The following P2RY8 variants were observed in gnomAD, a reference collection of about 807,000 sequenced individuals.
P2RY8 encodes S-geranylgeranyl-glutathione receptor P2RY8.
In P2RY8, 6 loss-of-function variants were observed where a neutral mutation model predicts 10.0. That is an observed-to-expected ratio of 0.60 (90% confidence interval 0.33 to 1.19). The LOEUF (loss-of-function observed/expected upper bound fraction) is 1.19. P2RY8 is among the 50% of genes most tolerant of loss of function. The pLI, the probability that P2RY8 is intolerant of heterozygous loss-of-function variation, is 0.04. For missense variants in P2RY8, 456 were observed against 542.0 expected (o/e 0.84, Z 1.58); for synonymous variants, 276 against 252.5 (o/e 1.09, Z -0.88).
chrX:1,465,917 C>T lies in P2RY8; in HGVS notation c.642G>A (p.Thr214=). The T allele has an allele frequency of 6.2e-7, 1 of 1,612,390 alleles. No individual in the cohort carries two copies. Among genetic ancestry groups the T allele is most frequent in the South Asian group, 1.1e-5 (1 of 91,040 alleles). Residue 214 remains threonine (T), a synonymous_variant, in exon 2 of 2, where the codon ACG becomes ACA. Coordinates refer to ENST00000381297, the MANE Select transcript of P2RY8 (RefSeq NM_178129.5). ...IPFVITVACY[T]ATILKLLRTE... The stretch of plus-strand genomic sequence containing the variant: ...TGCGCAACAGCTTGAGGATGGTGGC[C>T]GTGTAACAAGCCACGGTGATCACGA...
chrX:1,472,692 GT>G (rs2091805258), intron 1 of P2RY8, among the ~76,000 whole-genome samples: 1 of 82,598 alleles, frequency 1.2e-5, no homozygotes, highest in Non-Finnish European at 2.4e-5. Flanking sequence ...GGGTGGATGG[GT>G]GGGAGGGTGG....
chrX:1,493,093 C>G (rs1479791772), intron 1 of P2RY8, among the ~76,000 whole-genome samples: 21 of 151,136 alleles, frequency 1.4e-4, no homozygotes, highest in African/African-American at 5.1e-4. Flanking sequence ...CGAGATCAGC[C>G]TGGTCAACAT....
intron 1 of P2RY8, among the ~76,000 whole-genome samples, chrX:1,482,416 C>T (rs2091945271): frequency 6.6e-6 from 1 of 151,986 alleles, no homozygotes; most frequent in African/African-American, 2.4e-5. Context: ...GCCACAGTGC[C>T]CATGGTTTTA....
chrX:1,528,741 T>A (rs766817134), intron 1 of P2RY8, among the ~76,000 whole-genome samples: 1 of 152,098 alleles, frequency 6.6e-6, no homozygotes, highest in East Asian at 1.9e-4. Context: ...TTCGTGTAGG[T>A]TTGAGTCTCT....
intron 1 of P2RY8, among the ~76,000 whole-genome samples, chrX:1,477,957 C>T (rs2091893996): frequency 6.6e-6 from 1 of 152,128 alleles, no homozygotes; most frequent in South Asian, 2.1e-4. Flanking sequence ...AGAGCGATTC[C>T]TTAAAATGCC....
intron 1 of P2RY8, among the ~76,000 whole-genome samples, chrX:1,485,732 TTATA>T (rs1293012958): frequency 2.0e-5 from 3 of 148,376 alleles, no homozygotes; most frequent in East Asian, 3.9e-4. Context: ...TATTTAATAA[TTATA>T]TACGATATAT....
intron 1 of P2RY8, among the ~76,000 whole-genome samples, chrX:1,497,083 G>T (rs1376485154): frequency 6.6e-6 from 1 of 150,596 alleles, no homozygotes; most frequent in Non-Finnish European, 1.5e-5. Context: ...GCCAGGCGTG[G>T]TGGTGGCGGG....
chrX:1,499,604 AC>A (rs2092154793), intron 1 of P2RY8, among the ~76,000 whole-genome samples: 1 of 152,132 alleles, frequency 6.6e-6, no homozygotes, highest in Non-Finnish European at 1.5e-5. Flanking sequence ...GTATATTAAA[AC>A]TATAACTTAT....
In P2RY8 at chrX:1,513,178, G is replaced by A. The variant is rs772441532; in HGVS notation, c.-25+23743C>T. On this transcript the variant is annotated intron_variant, in intron 1 of 1. Coordinates refer to ENST00000381297, the MANE Select transcript of P2RY8 (RefSeq NM_178129.5). ...AGAGTGACTTTCTGGCTTTATCCAC[G>A]TCCCTGCAAAGGATATGAACTCATC... 6.6e-5 allele frequency among the ~76,000 whole-genome samples: 10 copies of A among 151,550 alleles called. No individual in the cohort carries two copies. The South Asian group carries it at 1.0e-3, about 16-fold the overall frequency.
At chrX:1,530,271 AT>A (rs1398265973) in intron 1 of P2RY8, among the ~76,000 whole-genome samples, 1 of 113,994 alleles carries the variant, frequency 8.8e-6, no homozygotes, top group Admixed American at 8.3e-5. Context: ...CATCACCATT[AT>A]CTATCTATCT....
intron 1 of P2RY8, among the ~76,000 whole-genome samples, chrX:1,486,477 T>A (rs1320398080): frequency 6.6e-6 from 1 of 152,152 alleles, no homozygotes; most frequent in Non-Finnish European, 1.5e-5. Context: ...GAAGGCCACA[T>A]GGTGTAGGAC....
chrX:1,517,113 A>G (rs75695529), intron 1 of P2RY8, among the ~76,000 whole-genome samples: 129,531 of 150,554 alleles, frequency 0.86, 56,019 homozygotes, highest in East Asian at 1. Context: ...CCCACACCTT[A>G]ATCTTGGATT....
intron 1 of P2RY8, among the ~76,000 whole-genome samples, chrX:1,467,570 T>A (rs557762639): frequency 3.3e-5 from 5 of 152,254 alleles, no homozygotes; most frequent in African/African-American, 1.2e-4. Context: ...AGAGACGCTT[T>A]ATCCATGAGC....
At chrX:1,514,958 C>T (rs1213740364) in intron 1 of P2RY8, among the ~76,000 whole-genome samples, 9 of 141,174 alleles carry the variant, frequency 6.4e-5, no homozygotes, top group East Asian at 4.4e-4. Context: ...GGCTGAAGTG[C>T]GGTGACACTA....
intron 1 of P2RY8, among the ~76,000 whole-genome samples, chrX:1,530,521 T>C (rs1324010603): frequency 6.6e-6 from 1 of 151,092 alleles, no homozygotes; most frequent in African/African-American, 2.4e-5. Context: ...ATCTAATTTA[T>C]GTACGTACAT....
rs1159331938 is a variant in P2RY8 at position 1,462,860 on chromosome X, T to C, written c.*2619A>G. The C allele has an allele frequency of 8.6e-6, 2 of 232,854 alleles. No homozygotes were observed. Among genetic ancestry groups the C allele is most frequent in the African/African-American group, 2.2e-5 (1 of 45,314 alleles). 14.4% of individuals were successfully genotyped at this position (232,854 alleles called of 1,614,324 possible). A position where few individuals can be genotyped will look rare whatever the true frequency, so the allele number is the denominator to read the frequency against. ...GAGTCAATAGACCTGTGTTATCTTT[T>C]CACTCAAAGCTCAACCAGTGAACAG... On this transcript the variant is annotated 3_prime_UTR_variant, in exon 2 of 2. Transcript: ENST00000381297.
rs2092369659 is a variant in P2RY8, at chrX:1,518,722, C to A, written c.-25+18199G>T. On this transcript the variant is annotated intron_variant, in intron 1 of 1. Transcript: ENST00000381297. Reference sequence around the variant, plus strand: ...AAATCTGTTTGGTTCTCCCTGGCCGCCAATATTCTCTCTAATCCTCAATAT... The same window carrying A: ...AAATCTGTTTGGTTCTCCCTGGCCGACAATATTCTCTCTAATCCTCAATAT... Among the ~76,000 whole-genome samples, 3 of 151,822 alleles carry A rather than the reference C, an allele frequency of 2.0e-5. 1 individual carries two copies. In the South Asian group the frequency reaches 6.2e-4, roughly 32 times the overall value.
chrX:1,484,134 A>G (rs1474994044), intron 1 of P2RY8, among the ~76,000 whole-genome samples: 1 of 152,148 alleles, frequency 6.6e-6, no homozygotes, highest in Non-Finnish European at 1.5e-5. Flanking sequence ...AACTCAGGAA[A>G]GATTTTCATC....
intron 1 of P2RY8, among the ~76,000 whole-genome samples, chrX:1,519,104 C>T (rs1284062829): frequency 2.0e-5 from 3 of 151,642 alleles, no homozygotes; most frequent in Admixed American, 6.6e-5. Flanking sequence ...CCCCAATATT[C>T]TCTCTGATCC....
Sources: gnomAD v4.1 joint callset for allele counts (sites outside exome capture counted in the v4.1 genomes callset) on GRCh38, gnomAD v4.1.1 for gene constraint, MANE v1.5 for transcripts, NCBI Gene and HGNC (gene_info 2026-07-23, HGNC 2026-07-21) for gene names.